TGM5: variants seen among roughly 807,000 people sequenced by gnomAD.
TGM5 encodes the protein protein-glutamine gamma-glutamyltransferase 5.
Under a neutral mutation model 77.2 loss-of-function variants are expected in TGM5, and 69 were observed. The ratio of observed to expected loss-of-function variants is 0.89; its 90% confidence interval spans 0.74 to 1.09. The LOEUF (loss-of-function observed/expected upper bound fraction) is 1.09. Among genes scored for constraint, TGM5 ranks in the 50% least tolerant of loss-of-function variants. TGM5 has a pLI of 0.00. For missense variants in TGM5, 842 were observed against 896.5 expected (o/e 0.94, Z 0.78); for synonymous variants, 346 against 351.8 (o/e 0.98, Z 0.18).
At chr15:43,239,462 G>T in intron 7 of TGM5, 196 bp from the exon 8 acceptor site, 1 of 638,994 alleles carries the variant, frequency 1.6e-6, no homozygotes, top group Admixed American at 2.3e-5. Context: ...TGAGAGGATT[G>T]CTTGAGCTCA....
intron 6 of TGM5, among the ~76,000 whole-genome samples, chr15:43,245,665 C>T (rs1266883569): frequency 2.6e-5 from 4 of 152,064 alleles, no homozygotes; most frequent in East Asian, 1.9e-4. Context: ...CCCTCGTCAT[C>T]GAAGTGCAAT....
intron 1 of TGM5, among the ~76,000 whole-genome samples, chr15:43,264,973 G>A (rs564709712): frequency 6.6e-6 from 1 of 152,276 alleles, no homozygotes; most frequent in South Asian, 2.1e-4. Context: ...ACTCAGATTT[G>A]CTAGGTTGAA....
rs201552908 is a variant in TGM5, at chr15:43,260,172, C to A, written c.316G>T (p.Ala106Ser). Reference sequence around the variant, plus strand: ...CGACCCACGGCCGCCGTGGGAGGAGCGCACAAGCTCACCTCTGTGGAGGTG... The same window carrying A: ...CGACCCACGGCCGCCGTGGGAGGAGAGCACAAGCTCACCTCTGTGGAGGTG... ...GATSTEVSLC[A>S]PPTAAVGRYL... is the part of the protein sequence containing the mutation. The change falls in exon 3 of 13, where the codon GCT becomes TCT. Residue 106 changes from alanine to serine, a missense_variant. Around this residue, in one of 2 missense-constraint regions of TGM5, gnomAD observed 815 missense variants for 844.6 expected, o/e 0.96. Transcript: ENST00000220420. The A allele has an allele frequency of 1.2e-6, 2 of 1,614,102 alleles. No individual in the cohort carries two copies. Among genetic ancestry groups the A allele is most frequent in the East Asian group, 2.2e-5 (1 of 44,884 alleles).
intron 7 of TGM5, among the ~76,000 whole-genome samples, chr15:43,240,431 G>C (rs907955165): frequency 3.3e-5 from 5 of 151,970 alleles, no homozygotes; most frequent in African/African-American, 1.2e-4. Flanking sequence ...CATTCTGAAG[G>C]CTCCTGTATA....
At chr15:43,254,318 G>C (rs2042729256) in intron 4 of TGM5, among the ~76,000 whole-genome samples, 1 of 152,210 alleles carries the variant, frequency 6.6e-6, no homozygotes, top group South Asian at 2.1e-4. Flanking sequence ...TCTCGGGGCT[G>C]TTTCAGTCCA....
intron 6 of TGM5, among the ~76,000 whole-genome samples, chr15:43,246,851 G>T (rs2042672761): frequency 6.6e-6 from 1 of 152,142 alleles, no homozygotes; most frequent in African/African-American, 2.4e-5. Flanking sequence ...TTTGATAAGA[G>T]TCTTCAGAAG....
chr15:43,252,254 G>A (rs780991321), intron 6 of TGM5, among the ~76,000 whole-genome samples: 3 of 152,210 alleles, frequency 2.0e-5, no homozygotes, highest in South Asian at 2.1e-4. Context: ...CTGTCACTTC[G>A]GAACCATGGT....
chr15:43,264,531 A>G (rs560451361), intron 1 of TGM5, among the ~76,000 whole-genome samples: 3 of 152,348 alleles, frequency 2.0e-5, no homozygotes, highest in Admixed American at 1.3e-4. Context: ...CACATATTAT[A>G]TGATTATATT....
chr15:43,256,307 C>A (rs2042741647), intron 4 of TGM5, among the ~76,000 whole-genome samples: 1 of 152,204 alleles, frequency 6.6e-6, no homozygotes, highest in South Asian at 2.1e-4. Context: ...CACCCTCATG[C>A]TCACTGGAAT....
chr15:43,262,917 A>C (rs1440340667), intron 1 of TGM5, among the ~76,000 whole-genome samples: 1 of 152,268 alleles, frequency 6.6e-6, no homozygotes, highest in East Asian at 1.9e-4. Flanking sequence ...AAAGACATAC[A>C]GATTGGAAAG....
Position 43,256,618 on chromosome 15 carries a change from A to T in TGM5, c.505T>A (p.Tyr169Asn), listed in dbSNP as rs1398971615. Residue 169 changes from tyrosine to asparagine, a missense_variant, in exon 4 of 13, where the codon TAC becomes AAC. By Grantham distance (143) the Tyr-to-Asn change is moderately radical. Around this residue, in one of 2 missense-constraint regions of TGM5, gnomAD observed 815 missense variants for 844.6 expected, o/e 0.96. Transcript: ENST00000220420. The stretch of plus-strand genomic sequence containing the variant: ...CGGATCCAGTTCTTGCTGCCTTGGT[A>T]GATGAAGCCATAATCATTCATGACA... ...EYVMNDYGFI[Y>N]QGSKNWIRPC... 1.2e-6 allele frequency: 2 copies of T among 1,614,076 alleles called. No individual in the cohort carries two copies. Among genetic ancestry groups the T allele is most frequent in the African/African-American group, 2.7e-5 (2 of 74,920 alleles).
At chr15:43,235,042 C>A in intron 10 of TGM5, 113 bp from the exon 11 acceptor site, 1 of 1,314,428 alleles carries the variant, frequency 7.6e-7, no homozygotes, top group Non-Finnish European at 1.1e-6. Context: ...TACCAAATCC[C>A]AGGGAAGCAG....
In TGM5 at chr15:43,260,155, G is replaced by GGCC. The variant is rs748555918; in HGVS notation, c.330_332dup (p.Ala111dup). 6.2e-7 allele frequency: 1 copy of GGCC among 1,614,118 alleles called. No homozygotes were observed. Among genetic ancestry groups the GGCC allele is most frequent in the East Asian group, 2.2e-5 (1 of 44,882 alleles). On this transcript the variant is annotated inframe_insertion, in exon 3 of 13. Transcript: ENST00000220420. ...GGATTTTCAAGAGGTACCGACCCAC[G>GGCC]GCCGCCGTGGGAGGAGCGCACAAGC...
In TGM5 at chr15:43,258,077, G is replaced by A. The variant is rs956633514; in HGVS notation, c.437-1391C>T. ...GGAACATCACACACCAGGGCCTGTC[G>A]TGGGGTGGGGGGAAGAGGGGAGGGA... On this transcript the variant is annotated intron_variant, in intron 3 of 12. Transcript: ENST00000220420. Among the ~76,000 whole-genome samples, 3 of 152,008 alleles carry A rather than the reference G, an allele frequency of 2.0e-5. 1 individual carries two copies. Among genetic ancestry groups the A allele is most frequent in the South Asian group, 4.2e-4 (2 of 4,812 alleles).
At chr15:43,262,235 T>C (rs916133651) in intron 1 of TGM5, among the ~76,000 whole-genome samples, 3 of 152,338 alleles carry the variant, frequency 2.0e-5, no homozygotes, top group East Asian at 1.9e-4. Flanking sequence ...ATCTGCTTAA[T>C]TGACAAGTTA....
chr15:43,254,483 C>G (rs1020568535), intron 4 of TGM5, among the ~76,000 whole-genome samples: 3 of 151,944 alleles, frequency 2.0e-5, no homozygotes, highest in African/African-American at 7.3e-5. Flanking sequence ...GATCAATCTT[C>G]CCCAGAGGAC....
intron 6 of TGM5, 60 bp downstream of exon 6, chr15:43,252,699 A>G (rs2042712735): frequency 2.5e-6 from 4 of 1,579,708 alleles, no homozygotes; most frequent in Non-Finnish European, 3.5e-6. Flanking sequence ...ATGGTTCAGA[A>G]GGCTCATACA....
chr15:43,252,220 T>A (rs2042708537), intron 6 of TGM5, among the ~76,000 whole-genome samples: 2 of 152,198 alleles, frequency 1.3e-5, no homozygotes, highest in Admixed American at 1.3e-4. Context: ...GAAGCAAGGG[T>A]GTCAGGCGTC....
intron 4 of TGM5, 27 bp from the exon 5 acceptor site, chr15:43,253,661 G>A (rs376009074): frequency 1.2e-6 from 2 of 1,609,644 alleles, no homozygotes; most frequent in African/African-American, 1.3e-5. Context: ...AGAGAGGGAA[G>A]GCACCCATGC....
Sources: allele counts gnomAD v4.1 joint callset (sites outside exome capture counted in the v4.1 genomes callset), GRCh38; gene constraint gnomAD v4.1.1; regional missense constraint gnomAD v4.1.1; transcripts MANE v1.5; gene names NCBI Gene and HGNC (gene_info 2026-07-23, HGNC 2026-07-21).